The following RBFOX1 variants were observed in gnomAD, a reference collection of about 807,000 sequenced individuals.
RBFOX1 encodes RNA binding protein fox-1 homolog 1.
Under a neutral mutation model 57.7 loss-of-function variants are expected in RBFOX1, and 8 were observed. That is an observed-to-expected ratio of 0.14 (90% confidence interval 0.08 to 0.25). The LOEUF (loss-of-function observed/expected upper bound fraction) is 0.25, where lower values mean the gene tolerates loss of function less well. RBFOX1 is among the 10% of genes least tolerant of loss of function. RBFOX1 has a pLI of 1.00. For missense variants in RBFOX1, 611 were observed against 548.5 expected, an observed-to-expected ratio of 1.11 and a Z score of -1.14; for synonymous variants, 326 against 222.4, an observed-to-expected ratio of 1.47 and a Z score of -4.15.
At chr16:5,395,082 T>C (rs1451573313) in intron 1 of RBFOX1, among the ~76,000 whole-genome samples, 1 of 152,172 alleles carries the variant, frequency 6.6e-6, no homozygotes, top group Non-Finnish European at 1.5e-5. Flanking sequence ...CGTTCAGCCT[T>C]GTGGTTTGCC....
At chr16:6,547,560 G>A (rs1309821606) in intron 2 of RBFOX1, among the ~76,000 whole-genome samples, 1 of 152,094 alleles carries the variant, frequency 6.6e-6, no homozygotes, top group African/African-American at 2.4e-5. Context: ...CTTCCTCCTG[G>A]AAGTCAGGCA....
At chr16:5,274,772 C>T (rs144822207) in intron 1 of RBFOX1, among the ~76,000 whole-genome samples, 2,202 of 152,306 alleles carry the variant, frequency 0.014, 78 homozygotes, top group Admixed American at 0.08. Context: ...TTAGGGCAAG[C>T]AGGACAGGTA....
intron 2 of RBFOX1, among the ~76,000 whole-genome samples, chr16:6,544,128 C>T (rs1241649115): frequency 6.6e-6 from 1 of 152,178 alleles, no homozygotes. Context: ...TTTGCATCCC[C>T]AGCACCAGTA....
At chr16:7,410,028 G>T (rs1410731486) in intron 4 of RBFOX1, among the ~76,000 whole-genome samples, 1 of 152,072 alleles carries the variant, frequency 6.6e-6, no homozygotes, top group Admixed American at 6.6e-5. Flanking sequence ...GGTCCCTTCA[G>T]CTGCAATTAA....
chr16:5,830,065 A>G (rs1334316992), intron 3 of RBFOX1, among the ~76,000 whole-genome samples: 1 of 152,198 alleles, frequency 6.6e-6, no homozygotes, highest in African/African-American at 2.4e-5. Context: ...AAAACACCAC[A>G]CTGCCACTTT....
intron 2 of RBFOX1, among the ~76,000 whole-genome samples, chr16:6,409,426 A>G (rs2093387426): frequency 6.6e-6 from 1 of 152,214 alleles, no homozygotes; most frequent in African/African-American, 2.4e-5. Flanking sequence ...AAACAAAACA[A>G]AACAAATAAA....
chr16:5,272,992 C>T (rs1191205616), intron 1 of RBFOX1, among the ~76,000 whole-genome samples: 1 of 152,180 alleles, frequency 6.6e-6, no homozygotes, highest in Non-Finnish European at 1.5e-5. Context: ...ATTCTTTAAA[C>T]TTTCAAACTC....
chr16:5,840,283 C>G (rs2056586115), intron 3 of RBFOX1, among the ~76,000 whole-genome samples: 1 of 152,154 alleles, frequency 6.6e-6, no homozygotes, highest in South Asian at 2.1e-4. Flanking sequence ...CTTGGTTGAA[C>G]CAGAGGCAGA....
At chr16:6,596,542 T>TGCATC (rs1488988442) in intron 2 of RBFOX1, among the ~76,000 whole-genome samples, 6 of 143,794 alleles carry the variant, frequency 4.2e-5, no homozygotes, top group African/African-American at 1.8e-4. Context: ...TTTTAGTTTC[T>TGCATC]GCATCAGCCT....
chr16:6,021,480 G>A (rs1332518773), intron 1 of RBFOX1, among the ~76,000 whole-genome samples: 2 of 152,202 alleles, frequency 1.3e-5, no homozygotes, highest in Non-Finnish European at 2.9e-5. Flanking sequence ...AGGACCTGGG[G>A]CCTGTGAAGG....
At chr16:7,291,408 A>G (rs191934610) in intron 4 of RBFOX1, among the ~76,000 whole-genome samples, 88 of 152,302 alleles carry the variant, frequency 5.8e-4, no homozygotes, top group African/African-American at 1.9e-3. Flanking sequence ...AGGCTAAATA[A>G]AATAATGTGA....
In RBFOX1 at chr16:6,169,245, A is replaced by G. The variant is rs377162929; in HGVS notation, c.-126-147750A>G. On this transcript the variant is annotated intron_variant, in intron 1 of 15. Transcript: ENST00000550418. ...CTTGAAAGCAAGAGTAGAACTCGGC[A>G]AATGTGGAAGTTAAAGATAAAATGT... 5.3e-5 allele frequency among the ~76,000 whole-genome samples: 8 copies of G among 151,024 alleles called. No homozygotes were observed. The East Asian group carries it at 1.2e-3, about 22-fold the overall frequency.
intron 3 of RBFOX1, among the ~76,000 whole-genome samples, chr16:6,984,003 T>A (rs1423953128): frequency 3.9e-5 from 6 of 152,160 alleles, no homozygotes; most frequent in African/African-American, 7.2e-5. Flanking sequence ...ATTCCAGCAC[T>A]TTGGGAGGCC....
intron 3 of RBFOX1, among the ~76,000 whole-genome samples, chr16:6,783,724 C>G (rs1476929345): frequency 1.3e-5 from 2 of 152,040 alleles, no homozygotes; most frequent in East Asian, 3.9e-4. Context: ...TGTGTGCTTG[C>G]TTTTACCAAG....
chr16:6,868,563 C>T (rs1365576440), intron 3 of RBFOX1, among the ~76,000 whole-genome samples: 4 of 152,080 alleles, frequency 2.6e-5, no homozygotes, highest in African/African-American at 7.2e-5. Flanking sequence ...CCTCTGCTTC[C>T]TGGGTTCAAG....
At chr16:6,941,315 C>T (rs986484923) in intron 3 of RBFOX1, among the ~76,000 whole-genome samples, 2 of 111,632 alleles carry the variant, frequency 1.8e-5, no homozygotes, top group African/African-American at 7.3e-5. Context: ...TCCTTCCTTC[C>T]TTCCTTCCTT....
chr16:7,068,213 A>G (rs2153768390), intron 4 of RBFOX1, among the ~76,000 whole-genome samples: 1 of 152,254 alleles, frequency 6.6e-6, no homozygotes, highest in East Asian at 1.9e-4. Context: ...TAGCATACAT[A>G]GATCTAAGAT....
At chr16:7,355,917 G>A (rs141825538) in intron 4 of RBFOX1, among the ~76,000 whole-genome samples, 15 of 152,280 alleles carry the variant, frequency 9.9e-5, no homozygotes, top group East Asian at 5.8e-4. Flanking sequence ...GCAATCTGCC[G>A]GAGGCAAAAT....
At chr16:5,685,475 C>A (rs915996007) in intron 3 of RBFOX1, among the ~76,000 whole-genome samples, 2 of 152,172 alleles carry the variant, frequency 1.3e-5, no homozygotes, top group African/African-American at 4.8e-5. Flanking sequence ...GACATATTGT[C>A]CCAAGGTGTT....
Sources: allele counts gnomAD v4.1 joint callset (sites outside exome capture counted in the v4.1 genomes callset), GRCh38; gene constraint gnomAD v4.1.1; transcripts MANE v1.5; gene names NCBI Gene and HGNC (gene_info 2026-07-23, HGNC 2026-07-21).